TTBK2: variants seen among roughly 807,000 people sequenced by gnomAD.
TTBK2 encodes tau-tubulin kinase 2.
A neutral mutation model predicts 110.8 loss-of-function variants in TTBK2; 28 were observed. The ratio of observed to expected loss-of-function variants is 0.25; its 90% CI spans 0.19 to 0.35. TTBK2 has a LOEUF of 0.35. Among genes scored for constraint, TTBK2 ranks in the 10% least tolerant of loss-of-function variants. TTBK2 has a pLI of 1.00. For synonymous variants in TTBK2, 532 were observed against 527.3 expected, an observed-to-expected ratio of 1.01 and a Z score of -0.12; for missense variants, 1,369 against 1,500.3, an observed-to-expected ratio of 0.91 and a Z score of 1.45.
At chr15:42,796,929 T>G (rs114217704) in intron 9 of TTBK2, among the ~76,000 whole-genome samples, 1 of 152,200 alleles carries the variant, frequency 6.6e-6, no homozygotes, top group Non-Finnish European at 1.5e-5. Flanking sequence ...GGAAAAGACA[T>G]AGTTATAAAA....
intron 7 of TTBK2, among the ~76,000 whole-genome samples, chr15:42,814,204 TAG>T (rs954250165): frequency 2.8e-4 from 42 of 152,224 alleles, no homozygotes; most frequent in African/African-American, 9.9e-4. Flanking sequence ...ATATTTTTAG[TAG>T]AGACGGGGTT....
At position 42,816,085 on chromosome 15, in the gene TTBK2, A is replaced by ATATATATATATAT. The variant is rs1567040790; in HGVS notation, c.603+946_603+947insATATATATATATA. Reference sequence around the variant, plus strand: ...ATATATATATAAAAATAAATAAATAAATATATATATATATATATATATATA... The same window carrying ATATATATATATAT: ...ATATATATATAAAAATAAATAAATAATATATATATATATATATATATATATATATATATATATA... On this transcript the variant is annotated intron_variant, in intron 7 of 14. Coordinates refer to ENST00000267890, the MANE Select transcript of TTBK2 (RefSeq NM_173500.4). Among the ~76,000 whole-genome samples the ATATATATATATAT allele has an allele frequency of 1.2e-3, 80 of 67,412 alleles. 3 individuals are homozygous for ATATATATATATAT. The highest frequency in any genetic ancestry group is 2.3e-3 in the African/African-American group (30 of 13,154). The allele number at this position is 67,412 out of a possible 152,430, so 44.2% of individuals were successfully genotyped here. A position where few individuals can be genotyped will look rare whatever the true frequency, so the allele number is the denominator to read the frequency against.
In TTBK2 at chr15:42,815,864, AT is replaced by A. The variant is rs1567040113; in HGVS notation, c.603+1167del. Among the ~76,000 whole-genome samples the A allele has an allele frequency of 6.1e-3, 767 of 125,398 alleles. 16 individuals carry two copies. The highest frequency in any genetic ancestry group is 0.02 in the African/African-American group (585 of 28,600). 82.3% of individuals were successfully genotyped at this position (125,398 alleles called of 152,430 possible). ...TCTTCCAAATTCTCTCTCTCTATAT[AT>A]ATATATTTAAATATATATATATTTA... is the stretch of plus-strand genomic sequence containing the variant. On this transcript the variant is annotated intron_variant, in intron 7 of 14. Transcript: ENST00000267890.
At chr15:42,871,017 T>C (rs1273522518) in intron 3 of TTBK2, among the ~76,000 whole-genome samples, 14 of 152,086 alleles carry the variant, frequency 9.2e-5, no homozygotes, top group Admixed American at 9.2e-4. Context: ...TAGGCCAACA[T>C]GACAGCAAGA....
chr15:42,744,574 A>G lies in TTBK2; in HGVS notation c.*1221T>C, dbSNP rs1017200168. 1 of 152,204 alleles carries G rather than the reference A, an allele frequency of 6.6e-6. No individual in the cohort carries two copies. The highest frequency in any genetic ancestry group is 2.4e-5 in the African/African-American group (1 of 41,456). 9.4% of individuals were successfully genotyped at this position (152,204 alleles called of 1,614,324 possible). A position where few individuals can be genotyped will look rare whatever the true frequency, so the allele number is the denominator to read the frequency against. On this transcript the variant is annotated 3_prime_UTR_variant, in exon 15 of 15. Coordinates refer to ENST00000267890, the MANE Select transcript of TTBK2 (RefSeq NM_173500.4). ...TTAGAAGAGTGAGATTAGAACAAATATCTTCCTCTTTACAGCTTCGTAAAT... is the reference window on the plus strand; with the variant it reads ...TTAGAAGAGTGAGATTAGAACAAATGTCTTCCTCTTTACAGCTTCGTAAAT...
chr15:42,877,056 A>C (rs1476587915), intron 2 of TTBK2, among the ~76,000 whole-genome samples: 1 of 152,214 alleles, frequency 6.6e-6, no homozygotes, highest in African/African-American at 2.4e-5. Flanking sequence ...AAGAGAAGCA[A>C]GTATTTATCT....
At chr15:42,753,487 G>T (rs938619792) in intron 13 of TTBK2, among the ~76,000 whole-genome samples, 1 of 152,136 alleles carries the variant, frequency 6.6e-6, no homozygotes, top group Admixed American at 6.5e-5. Flanking sequence ...CCCTTCTTTG[G>T]TGTGCTGTAT....
At chr15:42,862,600 C>A (rs1894202559) in intron 3 of TTBK2, among the ~76,000 whole-genome samples, 1 of 152,050 alleles carries the variant, frequency 6.6e-6, no homozygotes, top group Non-Finnish European at 1.5e-5. Flanking sequence ...AAATAATAGC[C>A]ATCTATGGCC....
intron 3 of TTBK2, among the ~76,000 whole-genome samples, chr15:42,849,488 T>C (rs1435055813): frequency 6.6e-6 from 1 of 152,240 alleles, no homozygotes; most frequent in Non-Finnish European, 1.5e-5. Flanking sequence ...AATTCAGATT[T>C]GTCTGATTCT....
At chr15:42,764,461 G>A (rs974216041) in intron 13 of TTBK2, among the ~76,000 whole-genome samples, 12 of 152,254 alleles carry the variant, frequency 7.9e-5, no homozygotes, top group Admixed American at 2.0e-4. Flanking sequence ...TACATCCTGC[G>A]CCAGGCTCAG....
At chr15:42,853,488 A>T (rs966345622) in intron 3 of TTBK2, among the ~76,000 whole-genome samples, 2 of 152,224 alleles carry the variant, frequency 1.3e-5, no homozygotes, top group Non-Finnish European at 2.9e-5. Context: ...AGAAAAATTT[A>T]AAATAATTAA....
chr15:42,747,742 GA>G (rs2061815050), intron 14 of TTBK2, among the ~76,000 whole-genome samples: 1 of 152,278 alleles, frequency 6.6e-6, no homozygotes, highest in African/African-American at 2.4e-5. Flanking sequence ...TAGTGAGAAG[GA>G]CCCTAGGGCC....
chr15:42,813,416 G>A (rs1891806290), intron 7 of TTBK2, among the ~76,000 whole-genome samples: 1 of 152,138 alleles, frequency 6.6e-6, no homozygotes, highest in Non-Finnish European at 1.5e-5. Context: ...CAGCTATGCA[G>A]GAGGCTGAGG....
At position 42,878,654 on chromosome 15, in the gene TTBK2, A is replaced by C. The variant is rs1277845705; in HGVS notation, c.-37T>G. 66 of 1,613,622 alleles carry C rather than the reference A, an allele frequency of 4.1e-5. 1 individual carries two copies. In the East Asian group the frequency reaches 1.5e-3, roughly 36 times the overall value. On this transcript the variant is annotated 5_prime_UTR_variant, in exon 2 of 15. It removes an upstream start codon present in the reference 5' UTR. Coordinates refer to ENST00000267890, the MANE Select transcript of TTBK2 (RefSeq NM_173500.4). ...GATATGGTAGAACAGCTACACAGGCATCCAGTTCCCAAGGGTGGTTTCCAT... is the reference window on the plus strand; with the variant it reads ...GATATGGTAGAACAGCTACACAGGCCTCCAGTTCCCAAGGGTGGTTTCCAT...
intron 13 of TTBK2, among the ~76,000 whole-genome samples, chr15:42,755,011 G>GAAAAAAAAA (rs71431863): frequency 2.9e-5 from 2 of 69,848 alleles, no homozygotes; most frequent in Non-Finnish European, 5.0e-5. Flanking sequence ...TCCATCTCAG[G>GAAAAAAAAA]AAAAAAAAAA....
intron 7 of TTBK2, among the ~76,000 whole-genome samples, chr15:42,814,117 G>A (rs1437647058): frequency 2.0e-5 from 3 of 151,882 alleles, no homozygotes; most frequent in African/African-American, 7.2e-5. Context: ...CGCCTCCCAG[G>A]TTCCAGCAAT....
At chr15:42,850,270 C>G (rs1479172139) in intron 3 of TTBK2, among the ~76,000 whole-genome samples, 2 of 152,146 alleles carry the variant, frequency 1.3e-5, no homozygotes, top group Non-Finnish European at 2.9e-5. Context: ...TTTCCTCCTC[C>G]TTGAGTCAGA....
chr15:42,791,109 G>T (rs541627347), intron 10 of TTBK2, among the ~76,000 whole-genome samples: 1 of 151,968 alleles, frequency 6.6e-6, no homozygotes, highest in Non-Finnish European at 1.5e-5. Flanking sequence ...GGATGGTCTC[G>T]ATCTGACCTC....
intron 3 of TTBK2, among the ~76,000 whole-genome samples, chr15:42,846,951 C>A (rs1893493367): frequency 6.6e-6 from 1 of 152,180 alleles, no homozygotes; most frequent in Admixed American, 6.5e-5. Flanking sequence ...CTCCCCACTC[C>A]CCCATACCTC....
Sources: allele counts gnomAD v4.1 joint callset (sites outside exome capture counted in the v4.1 genomes callset), GRCh38; gene constraint gnomAD v4.1.1; transcripts MANE v1.5; gene names NCBI Gene and HGNC (gene_info 2026-07-23, HGNC 2026-07-21).